The following TRIM62 variants were observed in gnomAD, a reference collection of about 807,000 sequenced individuals.
TRIM62 encodes tripartite motif containing 62, also known as E3 ubiquitin-protein ligase TRIM62.
A neutral mutation model predicts 44.2 loss-of-function variants in TRIM62; 39 were observed. The ratio of observed to expected loss-of-function variants is 0.88; its 90% CI spans 0.68 to 1.15. The LOEUF (loss-of-function observed/expected upper bound fraction) is 1.15, where lower values mean the gene tolerates loss of function less well. Among genes scored for constraint, TRIM62 ranks in the 50% most tolerant of loss-of-function variants. TRIM62 has a pLI of 0.00. For synonymous variants in TRIM62, 278 were observed against 292.3 expected (o/e 0.95, Z 0.50); for missense variants, 544 against 665.5 (o/e 0.82, Z 2.01).
intron 3 of TRIM62, 44 bp from the exon 4 acceptor site, chr1:33,158,412 C>T: frequency 1.3e-6 from 2 of 1,576,898 alleles, no homozygotes; most frequent in Non-Finnish European, 1.7e-6. Context: ...GGACTGGATT[C>T]CTGCCCCAAT....
rs1267628792 is a variant in TRIM62, at chr1:33,161,856, T to C, written c.505-1912A>G. Among the ~76,000 whole-genome samples the C allele has an allele frequency of 6.6e-6, 1 of 152,168 alleles. No individual in the cohort carries two copies. The highest frequency in any genetic ancestry group is 1.5e-5 in the Non-Finnish European group (1 of 68,024). On this transcript the variant is annotated intron_variant, in intron 2 of 4. Coordinates refer to ENST00000291416, the MANE Select transcript of TRIM62 (RefSeq NM_018207.3). This position sits in a 1 kb window ranked among gnomAD's most constrained non-coding sequence, Gnocchi z 4.3. ...AGTTCTGCTTTGCCTCCCATCTCTGTGACTGCTGCCTCTCTGCCTCCCATG... is the reference window on the plus strand; with the variant it reads ...AGTTCTGCTTTGCCTCCCATCTCTGCGACTGCTGCCTCTCTGCCTCCCATG...
intron 4 of TRIM62, among the ~76,000 whole-genome samples, chr1:33,149,775 T>C (rs1645071558): frequency 6.6e-6 from 1 of 152,198 alleles, no homozygotes; most frequent in Non-Finnish European, 1.5e-5. Context: ...TAGCTTTATT[T>C]GTGCCCTGAT....
At chr1:33,179,847 G>C (rs912149167) in intron 1 of TRIM62, among the ~76,000 whole-genome samples, 2 of 152,148 alleles carry the variant, frequency 1.3e-5, no homozygotes, top group Non-Finnish European at 2.9e-5. Context: ...CAGTAAAATA[G>C]ATTTATTTGC....
chr1:33,148,283 C>CT (rs1244968297), intron 4 of TRIM62, among the ~76,000 whole-genome samples: 2 of 152,164 alleles, frequency 1.3e-5, no homozygotes, highest in African/African-American at 4.8e-5. Flanking sequence ...GATGAAAAAT[C>CT]TTTTTTATAA....
rs1415190034 is a variant in TRIM62, at chr1:33,147,543, C to G, written c.1062G>C (p.Glu354Asp). Residue 354 changes from glutamate (E) to aspartate (D), a missense_variant, in exon 5 of 5, where the codon GAG becomes GAC. Physicochemically the swap from Glu to Asp is conservative, Grantham distance 45. Transcript: ENST00000291416. The surrounding 1 kb of genome is among the most constrained non-coding windows in gnomAD (Gnocchi z 8.1). ...EAFSSGVHYW[E>D]VVVAEKTQWV... ...ACTGGGTCTTCTCCGCCACCACCAC[C>G]TCCCAGTAGTGGACGCCACTACTGA... 7 of 1,614,068 alleles carry G rather than the reference C, an allele frequency of 4.3e-6. No individual in the cohort carries two copies. Among genetic ancestry groups the G allele is most frequent in the Non-Finnish European group, 5.9e-6 (7 of 1,180,036 alleles).
Position 33,145,678 on chromosome 1 carries a change from C to T in TRIM62, c.*1499G>A, listed in dbSNP as rs527656853. ...CAGGACTAGAAAGAAAAGTCAAGGC[C>T]GGGGAGACATTTAGGCTCAGTCTTG... On this transcript the variant is annotated 3_prime_UTR_variant, in exon 5 of 5. Transcript: ENST00000291416. The T allele has an allele frequency of 3.1e-5, 10 of 323,098 alleles. No individual in the cohort carries two copies. Among genetic ancestry groups the T allele is most frequent in the Non-Finnish European group, 6.1e-5 (10 of 162,648 alleles). 20.0% of individuals were successfully genotyped at this position (323,098 alleles called of 1,614,324 possible).
chr1:33,158,691 G>C (rs1440404896), intron 3 of TRIM62, among the ~76,000 whole-genome samples: 4 of 152,152 alleles, frequency 2.6e-5, no homozygotes, highest in Non-Finnish European at 1.5e-5. Context: ...AATCAGTATT[G>C]ATCACCAACA....
rs1645335018 is a variant in TRIM62, at chr1:33,167,001, A to C, written c.409-1435T>G. Among the ~76,000 whole-genome samples, 1 of 152,070 alleles carries C rather than the reference A, an allele frequency of 6.6e-6. No individual in the cohort carries two copies. Among genetic ancestry groups the C allele is most frequent in the African/African-American group, 2.4e-5 (1 of 41,416 alleles). ...ACCTCTGTCTCCAACACCCTCCCCCATCACTCCCATCCAGCCAGTGGCCTT... is the reference window on the plus strand; with the variant it reads ...ACCTCTGTCTCCAACACCCTCCCCCCTCACTCCCATCCAGCCAGTGGCCTT... On this transcript the variant is annotated intron_variant, in intron 1 of 4. Coordinates refer to ENST00000291416, the MANE Select transcript of TRIM62 (RefSeq NM_018207.3). This position sits in a 1 kb window ranked among gnomAD's most constrained non-coding sequence, Gnocchi z 4.2.
chr1:33,172,309 C>G (rs1204735913), intron 1 of TRIM62, among the ~76,000 whole-genome samples: 1 of 152,162 alleles, frequency 6.6e-6, no homozygotes, highest in Non-Finnish European at 1.5e-5. Context: ...GCCAGGGTTC[C>G]TTCAAGTCTC....
At chr1:33,153,860 G>T (rs1645136068) in intron 4 of TRIM62, among the ~76,000 whole-genome samples, 1 of 152,188 alleles carries the variant, frequency 6.6e-6, no homozygotes, top group Non-Finnish European at 1.5e-5. Context: ...ACAAACATTT[G>T]CTGTGCTAGC....
intron 4 of TRIM62, among the ~76,000 whole-genome samples, chr1:33,151,794 C>A (rs1222409840): frequency 2.0e-5 from 3 of 152,176 alleles, no homozygotes; most frequent in African/African-American, 7.2e-5. Flanking sequence ...TGTGGAGGTC[C>A]CAGGAGATGT....
Position 33,165,842 on chromosome 1 carries a change from T to C in TRIM62, c.409-276A>G, listed in dbSNP as rs1645323195. 1 of 284,964 alleles carries C rather than the reference T, an allele frequency of 3.5e-6. No homozygotes were observed. Among genetic ancestry groups the C allele is most frequent in the South Asian group, 1.3e-4 (1 of 7,894 alleles). 17.7% of individuals were successfully genotyped at this position (284,964 alleles called of 1,614,324 possible). On this transcript the variant is annotated intron_variant, in intron 1 of 4. Coordinates refer to ENST00000291416, the MANE Select transcript of TRIM62 (RefSeq NM_018207.3). The surrounding 1 kb of genome is among the most constrained non-coding windows in gnomAD (Gnocchi z 4.0). ...TGACAATCGACTTCCACATACACAC[T>C]CTCTGGCTCCCCACACTTGGCCCTG...
chr1:33,178,591 A>G (rs1479152049), intron 1 of TRIM62, among the ~76,000 whole-genome samples: 1 of 152,216 alleles, frequency 6.6e-6, no homozygotes, highest in Non-Finnish European at 1.5e-5. Context: ...TGAACCTCAA[A>G]TAGCAGGTTA....
At chr1:33,173,622 C>A (rs557975555) in intron 1 of TRIM62, among the ~76,000 whole-genome samples, 23 of 151,916 alleles carry the variant, frequency 1.5e-4, no homozygotes, top group African/African-American at 4.8e-4. Flanking sequence ...AACCTGAGTT[C>A]AAGTTTCAGC....
At chr1:33,152,774 G>T (rs1248682559) in intron 4 of TRIM62, among the ~76,000 whole-genome samples, 2 of 152,116 alleles carry the variant, frequency 1.3e-5, no homozygotes, top group Non-Finnish European at 2.9e-5. Flanking sequence ...AGAGGGGAGT[G>T]CATTGCTCTG....
intron 1 of TRIM62, among the ~76,000 whole-genome samples, chr1:33,168,862 G>T (rs4045722): frequency 6.6e-6 from 1 of 152,210 alleles, no homozygotes; most frequent in African/African-American, 2.4e-5. Flanking sequence ...GTCCACAGAA[G>T]ACCCAGCCAC....
chr1:33,165,606 GCCTGGC>G lies in TRIM62; in HGVS notation c.409-46_409-41del. On this transcript the variant is annotated intron_variant, in intron 1 of 4. Coordinates refer to ENST00000291416, the MANE Select transcript of TRIM62 (RefSeq NM_018207.3). The surrounding 1 kb of genome is among the most constrained non-coding windows in gnomAD (Gnocchi z 4.0). ...GGGCCGGGATGGGGGCAGGGGCCATGCCTGGCCCAGGCATTCAGCCCTGACCACTGC... is the reference window on the plus strand; with the variant it reads ...GGGCCGGGATGGGGGCAGGGGCCATGCCAGGCATTCAGCCCTGACCACTGC... The G allele has an allele frequency of 1.3e-6, 2 of 1,538,908 alleles. No homozygotes were observed. The highest frequency in any genetic ancestry group is 1.8e-6 in the Non-Finnish European group (2 of 1,132,486).
rs1317733856 is a variant in TRIM62, at chr1:33,181,228, C to T, written c.205G>A (p.Ala69Thr). The change falls in exon 1 of 5, where the codon GCC (alanine) becomes ACC (threonine). Residue 69 changes from alanine (A) to threonine (T), a missense_variant. Physicochemically the swap from Ala to Thr is moderately conservative, Grantham distance 58. Coordinates refer to ENST00000291416, the MANE Select transcript of TRIM62 (RefSeq NM_018207.3). This position sits in a 1 kb window ranked among gnomAD's most constrained non-coding sequence, Gnocchi z 6.5. Reference sequence around the variant, plus strand: ...GAGCTGTAGCGCTCCACGATGTTGGCCAGCTTGAGGCTGGGCGCCAGCGCG... The same window carrying T: ...GAGCTGTAGCGCTCCACGATGTTGGTCAGCTTGAGGCTGGGCGCCAGCGCG... ...EPALAPSLKL[A>T]NIVERYSSFP... 1 of 1,569,386 alleles carries T rather than the reference C, an allele frequency of 6.4e-7. No homozygotes were observed. The highest frequency in any genetic ancestry group is 8.6e-7 in the Non-Finnish European group (1 of 1,163,216).
chr1:33,155,850 C>T (rs1310829315), intron 4 of TRIM62, among the ~76,000 whole-genome samples: 1 of 152,212 alleles, frequency 6.6e-6, no homozygotes, highest in Non-Finnish European at 1.5e-5. Flanking sequence ...GCACTGATTT[C>T]CCAGTCCCAA....
Sources: gnomAD v4.1 joint callset for allele counts (sites outside exome capture counted in the v4.1 genomes callset) on GRCh38, gnomAD v4.1.1 for gene constraint, Gnocchi (gnomAD v3.1) non-coding constraint, MANE v1.5 for transcripts, NCBI Gene and HGNC (gene_info 2026-07-23, HGNC 2026-07-21) for gene names.